Variants in GTPBP6 observed in about 807,000 individuals in gnomAD.
The protein encoded by GTPBP6 is putative GTP-binding protein 6.
Under a neutral mutation model 28.9 loss-of-function variants are expected in GTPBP6, and 33 were observed. The observed-to-expected ratio is 1.14, with a 90% CI of 0.87 to 1.53. The LOEUF (loss-of-function observed/expected upper bound fraction) is 1.53, where lower values mean the gene tolerates loss of function less well. Among genes scored for constraint, GTPBP6 ranks in the 40% most tolerant of loss-of-function variants. The probability of loss-of-function intolerance (pLI) is 0.00; values close to 1 mark genes in which losing one functional copy is unlikely to be tolerated. For synonymous variants in GTPBP6, 231 were observed against 192.7 expected (o/e 1.20, Z -1.65); for missense variants, 507 against 408.3 (o/e 1.24, Z -2.08).
intron 9 of GTPBP6, among the ~76,000 whole-genome samples, chrX:306,299 ACAGT>A (rs1056024534): frequency 8.6e-5 from 13 of 150,528 alleles, no homozygotes; most frequent in African/African-American, 3.2e-4. Context: ...TGTTGTATGC[ACAGT>A]CAGAAATGTA....
exon 9 of GTPBP6, chrX:307,449 C>T (rs746885651): frequency 1.9e-6 from 3 of 1,612,124 alleles, no homozygotes; most frequent in Middle Eastern, 1.8e-4. Flanking sequence ...CAGCTTTCAG[C>T]TCCTGGAGCC....
intron 1 of GTPBP6, among the ~76,000 whole-genome samples, chrX:317,695 AACCCCACCCCACCCCACCCC>A (rs1205733115): frequency 9.4e-5 from 7 of 74,866 alleles, no homozygotes; most frequent in African/African-American, 1.8e-4. Context: ...CGGCCCACCC[AACCCCACCCCACCCCACCCC>A]ACCCCACCCC....
chrX:312,784 C>T (rs201798473), exon 6 of GTPBP6: 284 of 1,612,316 alleles, frequency 1.8e-4, no homozygotes, highest in Middle Eastern at 1.6e-3. Context: ...GTGTACCCCA[C>T]CACGGAGATC....
chrX:304,897 C>T (rs759158616), exon 10 of GTPBP6: 16 of 1,444,174 alleles, frequency 1.1e-5, no homozygotes, highest in South Asian at 1.1e-4. Flanking sequence ...GGGGCAGGTG[C>T]GGCCGTGTCA....
intron 4 of GTPBP6, among the ~76,000 whole-genome samples, chrX:314,660 T>G (rs1162286119): frequency 6.6e-6 from 1 of 151,878 alleles, no homozygotes; most frequent in African/African-American, 2.4e-5. Flanking sequence ...GTATTTTTAG[T>G]ACAGACGGGG....
At chrX:305,694 G>A (rs1220971539) in intron 9 of GTPBP6, among the ~76,000 whole-genome samples, 3 of 146,066 alleles carry the variant, frequency 2.1e-5, no homozygotes, top group Non-Finnish European at 3.0e-5. Flanking sequence ...GCACGATCTT[G>A]GCTCACTGCA....
At chrX:305,329 T>TC in intron 9 of GTPBP6, 132 bp from the exon 10 acceptor site, 1 of 749,776 alleles carries the variant, frequency 1.3e-6, no homozygotes, top group Non-Finnish European at 2.2e-6. Context: ...CTTTTGTTTT[T>TC]TTTTTTTTTT....
chrX:313,199 G>GGCCTCCGA (rs1452806980), intron 5 of GTPBP6, among the ~76,000 whole-genome samples: 1 of 152,250 alleles, frequency 6.6e-6, no homozygotes, highest in Non-Finnish European at 1.5e-5. Context: ...TCACTACGGA[G>GGCCTCCGA]GCCTCCGAGC....
intron 2 of GTPBP6, among the ~76,000 whole-genome samples, chrX:316,619 G>T (rs2070445268): frequency 6.6e-6 from 1 of 152,172 alleles, no homozygotes; most frequent in African/African-American, 2.4e-5. Flanking sequence ...AGGGGCAGGT[G>T]GGGTTACAGC....
At chrX:314,073 C>T in intron 5 of GTPBP6, 77 bp downstream of exon 5, 2 of 1,133,450 alleles carry the variant, frequency 1.8e-6, no homozygotes, top group Non-Finnish European at 2.7e-6. Flanking sequence ...TGGAATCTTC[C>T]AGGGCTGAGA....
At chrX:311,384 T>TCTGAGAGCCCGG in intron 7 of GTPBP6, 35 bp downstream of exon 7, 1 of 1,521,664 alleles carries the variant, frequency 6.6e-7, no homozygotes, top group Non-Finnish European at 9.0e-7. Context: ...CGAATGGGTG[T>TCTGAGAGCCCGG]CCGAGCACCC....
exon 2 of GTPBP6, chrX:316,978 G>C: frequency 2.5e-6 from 1 of 398,654 alleles, no homozygotes; most frequent in Non-Finnish European, 4.4e-6. Context: ...TGGTGGACAC[G>C]ACCATTGTCT....
At chrX:311,620 G>T in exon 7 of GTPBP6, 1 of 1,611,578 alleles carries the variant, frequency 6.2e-7, no homozygotes, top group Non-Finnish European at 8.5e-7. Flanking sequence ...TGATCAGCGT[G>T]GTCTTTCCTA....
intron 9 of GTPBP6, among the ~76,000 whole-genome samples, chrX:306,274 C>G (rs866483150): frequency 1.4e-5 from 2 of 140,546 alleles, no homozygotes; most frequent in Admixed American, 1.4e-4. Context: ...TGACTGTCAG[C>G]ACAGATTAGG....
chrX:308,908 T>C (rs2070228715), intron 7 of GTPBP6, among the ~76,000 whole-genome samples: 2 of 151,902 alleles, frequency 1.3e-5, no homozygotes, highest in African/African-American at 4.8e-5. Context: ...GCTAATTTTT[T>C]ATATTTTTAG....
chrX:314,458 C>A (rs139356819), intron 4 of GTPBP6, among the ~76,000 whole-genome samples: 67,146 of 151,304 alleles, frequency 0.44, 15,942 homozygotes, highest in Middle Eastern at 0.53. Flanking sequence ...GAGAGAGAGC[C>A]CACACGGTGC....
exon 10 of GTPBP6, chrX:305,068 G>C: frequency 6.2e-7 from 1 of 1,612,164 alleles, no homozygotes; most frequent in Non-Finnish European, 8.5e-7. Context: ...CTCTGTGGGC[G>C]TCCGTTCATC....
chrX:311,123 G>A (rs2070278744), intron 7 of GTPBP6, among the ~76,000 whole-genome samples: 2 of 150,516 alleles, frequency 1.3e-5, no homozygotes. Context: ...GCCCGGGGAC[G>A]TGGGAGGCTT....
At chrX:306,260 ATT>A (rs926856445) in intron 9 of GTPBP6, among the ~76,000 whole-genome samples, 1 of 148,054 alleles carries the variant, frequency 6.8e-6, no homozygotes, top group Admixed American at 6.7e-5. Flanking sequence ...AGAAATGTAC[ATT>A]TTGACTGTCA....
Sources: allele counts gnomAD v4.1 joint callset (sites outside exome capture counted in the v4.1 genomes callset), GRCh38; gene constraint gnomAD v4.1.1; transcripts MANE v1.5; gene names NCBI Gene and HGNC (gene_info 2026-07-23, HGNC 2026-07-21).